The following TOM1L2 variants were observed in gnomAD, a reference collection of about 807,000 sequenced individuals.
TOM1L2 encodes target of myb1 like 2 membrane trafficking protein.
TOM1L2 carries 31 observed loss-of-function variants against 67.9 expected under a neutral mutation model. That is an observed-to-expected ratio of 0.46 (90% CI 0.34 to 0.62). The LOEUF is 0.62. Ranked by LOEUF, TOM1L2 falls within the 20% of genes least tolerant of loss-of-function variation. The probability of loss-of-function intolerance (pLI) is 0.01; values close to 1 mark genes in which losing one functional copy is unlikely to be tolerated. For synonymous variants in TOM1L2, 256 were observed against 254.0 expected, an observed-to-expected ratio of 1.01 and a Z score of -0.07; for missense variants, 606 against 663.5, an observed-to-expected ratio of 0.91 and a Z score of 0.95.
At chr17:17,878,194 C>T (rs995772051) in intron 7 of TOM1L2, among the ~76,000 whole-genome samples, 1 of 152,242 alleles carries the variant, frequency 6.6e-6, no homozygotes, top group Non-Finnish European at 1.5e-5. Flanking sequence ...GAAGCCAGGT[C>T]CCCTGGAGTG....
chr17:17,853,586 T>C (rs1287458680), intron 12 of TOM1L2, among the ~76,000 whole-genome samples: 2 of 152,204 alleles, frequency 1.3e-5, no homozygotes, highest in Non-Finnish European at 2.9e-5. Context: ...ATGGGAACCC[T>C]TTTCTTCCAT....
At chr17:17,947,319 C>G (rs558881043) in intron 1 of TOM1L2, among the ~76,000 whole-genome samples, 13 of 152,318 alleles carry the variant, frequency 8.5e-5, no homozygotes, top group African/African-American at 2.9e-4. Flanking sequence ...CCACCGTGCC[C>G]AGGCCAGTGA....
intron 1 of TOM1L2, among the ~76,000 whole-genome samples, chr17:17,966,448 C>T (rs2041874702): frequency 6.6e-6 from 1 of 152,202 alleles, no homozygotes. Context: ...GCAAGAACTA[C>T]AGTTCTCGAA....
intron 7 of TOM1L2, among the ~76,000 whole-genome samples, chr17:17,879,299 C>A (rs1257172785): frequency 6.6e-6 from 1 of 152,154 alleles, no homozygotes; most frequent in Non-Finnish European, 1.5e-5. Context: ...ATCAAAGCAC[C>A]TACAGTGGTT....
intron 1 of TOM1L2, among the ~76,000 whole-genome samples, chr17:17,963,096 T>C (rs1193762001): frequency 2.6e-5 from 4 of 152,290 alleles, no homozygotes; most frequent in South Asian, 2.1e-4. Context: ...TGCTTTTACA[T>C]ACTCACTTGA....
chr17:17,949,093 G>T (rs954919049), intron 1 of TOM1L2, among the ~76,000 whole-genome samples: 2 of 152,306 alleles, frequency 1.3e-5, no homozygotes, highest in South Asian at 4.1e-4. Flanking sequence ...CCTTAATTGA[G>T]TGTTCTCAGG....
intron 14 of TOM1L2, among the ~76,000 whole-genome samples, 191 bp downstream of exon 14, chr17:17,848,632 C>T (rs531544382): frequency 1.3e-5 from 2 of 152,330 alleles, no homozygotes; most frequent in South Asian, 2.1e-4. Flanking sequence ...TCCCAATAAG[C>T]GAGATAAATC....
chr17:17,909,856 T>C (rs1171444398), intron 1 of TOM1L2, among the ~76,000 whole-genome samples: 1 of 152,056 alleles, frequency 6.6e-6, no homozygotes, highest in East Asian at 1.9e-4. Context: ...TAGCAAGACA[T>C]TGTTTCTACA....
Position 17,882,817 on chromosome 17 carries a change from G to A in TOM1L2, c.548C>T (p.Ser183Leu). Residue 183 changes from serine to leucine, a missense_variant, in exon 6 of 15, where the codon TCA becomes TTA. Physicochemically the swap from Ser to Leu is moderately radical, Grantham distance 145. Around this residue, in one of 2 missense-constraint regions of TOM1L2, gnomAD observed 543 missense variants for 554.0 expected, o/e 0.98. Transcript: ENST00000379504. ...DPAATMPRSQ[S>L]QQRTSAGSYS... ...GGAACCAGCACTTGTCCTCTGCTGT[G>A]ATTGGGACCTGGGCATGGTCGCAGC... 2 of 1,614,228 alleles carry A rather than the reference G, an allele frequency of 1.2e-6. No individual in the cohort carries two copies. Among genetic ancestry groups the A allele is most frequent in the Non-Finnish European group, 1.7e-6 (2 of 1,180,030 alleles).
chr17:17,908,760 T>C (rs1318241752), intron 1 of TOM1L2, among the ~76,000 whole-genome samples: 1 of 152,216 alleles, frequency 6.6e-6, no homozygotes, highest in African/African-American at 2.4e-5. Flanking sequence ...CCCATTAGGA[T>C]GGCTACTATC....
intron 4 of TOM1L2, among the ~76,000 whole-genome samples, chr17:17,893,276 C>A (rs1396235701): frequency 6.6e-6 from 1 of 152,206 alleles, no homozygotes; most frequent in African/African-American, 2.4e-5. Context: ...TTAACACCAT[C>A]CCCAGCCCCT....
intron 1 of TOM1L2, among the ~76,000 whole-genome samples, chr17:17,952,376 CTTTTTTTTT>C (rs60388742): frequency 5.0e-5 from 4 of 79,920 alleles, no homozygotes; most frequent in African/African-American, 8.8e-5. Flanking sequence ...TCTTTATTTT[CTTTTTTTTT>C]TTTTTTTTTT....
At chr17:17,883,004 G>T in intron 5 of TOM1L2, 141 bp from the exon 6 acceptor site, 3 of 1,013,450 alleles carry the variant, frequency 3.0e-6, no homozygotes, top group Non-Finnish European at 4.3e-6. Context: ...CCCGGGTGAG[G>T]TTCACAGAAC....
chr17:17,865,864 C>G (rs947600794), intron 10 of TOM1L2, among the ~76,000 whole-genome samples: 1 of 151,518 alleles, frequency 6.6e-6, no homozygotes. Context: ...CCTGCCGCAG[C>G]CTCCCGAGTA....
chr17:17,945,463 G>T (rs2040905469), intron 1 of TOM1L2, among the ~76,000 whole-genome samples: 1 of 152,176 alleles, frequency 6.6e-6, no homozygotes, highest in Non-Finnish European at 1.5e-5. Flanking sequence ...GGATTTCAAT[G>T]TGCAATACCA....
intron 1 of TOM1L2, among the ~76,000 whole-genome samples, chr17:17,954,559 C>G (rs996183247): frequency 2.0e-5 from 3 of 152,186 alleles, no homozygotes; most frequent in Non-Finnish European, 4.4e-5. Flanking sequence ...ATGACCCACC[C>G]ACCTTGGCCT....
chr17:17,937,799 A>C (rs2040568359), intron 1 of TOM1L2, among the ~76,000 whole-genome samples: 1 of 152,214 alleles, frequency 6.6e-6, no homozygotes, highest in Non-Finnish European at 1.5e-5. Flanking sequence ...CATTTGAGAG[A>C]GCTGCACAGT....
chr17:17,891,826 G>A (rs573569666), intron 4 of TOM1L2, among the ~76,000 whole-genome samples: 6 of 140,876 alleles, frequency 4.3e-5, no homozygotes, highest in Non-Finnish European at 7.6e-5. Flanking sequence ...TGTGTCAGAG[G>A]GAGACAGAGA....
chr17:17,854,056 AG>A lies in TOM1L2; in HGVS notation c.1279-3105del, dbSNP rs2036135474. On this transcript the variant is annotated intron_variant, in intron 12 of 14. Transcript: ENST00000379504. ...CTCAGGGCGTGAACCATGGTGGAGC[AG>A]GGTGATGGTTAACAGTTAAGCTTAT... Among the ~76,000 whole-genome samples, 8 of 152,378 alleles carry A rather than the reference AG, an allele frequency of 5.3e-5. No homozygotes were observed. In the South Asian group the frequency reaches 1.7e-3, roughly 32 times the overall value.
Sources: allele counts gnomAD v4.1 joint callset (sites outside exome capture counted in the v4.1 genomes callset), GRCh38; gene constraint gnomAD v4.1.1; regional missense constraint gnomAD v4.1.1; transcripts MANE v1.5; gene names NCBI Gene and HGNC (gene_info 2026-07-23, HGNC 2026-07-21).